Variants in TJP2 observed in about 807,000 individuals in gnomAD.
TJP2 encodes tight junction protein 2, also known as Friedreich ataxia region gene X104 (tight junction protein ZO-2).
TJP2 carries 91 observed loss-of-function variants against 133.1 expected under a neutral mutation model. That is an observed-to-expected ratio of 0.68 (90% CI 0.58 to 0.81). TJP2 has a LOEUF of 0.81. TJP2 is among the 40% of genes least tolerant of loss of function. TJP2 has a pLI of 0.00. For missense variants in TJP2, 1,541 were observed against 1,565.6 expected (o/e 0.98, Z 0.26); for synonymous variants, 592 against 583.4 (o/e 1.01, Z -0.21).
At chr9:69,239,807 C>G (rs1394282624) in intron 16 of TJP2, 130 bp from the exon 17 acceptor site, 2 of 885,392 alleles carry the variant, frequency 2.3e-6, no homozygotes, top group Non-Finnish European at 3.5e-6. Flanking sequence ...GAGCAAGAAT[C>G]TATCCCAAAT....
At chr9:69,238,338 G>T (rs541493930) in intron 15 of TJP2, among the ~76,000 whole-genome samples, 1 of 152,216 alleles carries the variant, frequency 6.6e-6, no homozygotes, top group Admixed American at 6.5e-5. Context: ...TTTCTTAATT[G>T]TCCTAGTTAT....
intron 4 of TJP2, among the ~76,000 whole-genome samples, chr9:69,219,327 G>C (rs1730923094): frequency 6.6e-6 from 1 of 152,146 alleles, no homozygotes; most frequent in African/African-American, 2.4e-5. Flanking sequence ...AAAGAAAAAG[G>C]AAAGTTGAAA....
intron 11 of TJP2, 114 bp downstream of exon 11, chr9:69,230,346 A>C (rs1185288225): frequency 5.2e-6 from 7 of 1,337,598 alleles, no homozygotes; most frequent in Non-Finnish European, 6.4e-6. Context: ...GAGCAGCTGC[A>C]AGTTTGTTGA....
At chr9:69,185,622 T>C (rs1825805769) in intron 1 of TJP2, among the ~76,000 whole-genome samples, 1 of 152,220 alleles carries the variant, frequency 6.6e-6, no homozygotes, top group Non-Finnish European at 1.5e-5. Flanking sequence ...TGGAACCTAA[T>C]GAGTGTTTTC....
At chr9:69,203,831 C>G (rs1827190448) in intron 1 of TJP2, among the ~76,000 whole-genome samples, 3 of 151,866 alleles carry the variant, frequency 2.0e-5, no homozygotes, top group Admixed American at 2.0e-4. Context: ...CCAGGCTGGT[C>G]TTGAACTTCT....
chr9:69,208,697 T>G (rs72709074), intron 1 of TJP2, among the ~76,000 whole-genome samples: 11 of 152,370 alleles, frequency 7.2e-5, no homozygotes, highest in Non-Finnish European at 1.6e-4. Flanking sequence ...GCACAGCTCC[T>G]TGGGATATTC....
At chr9:69,196,182 C>T (rs867346) in intron 1 of TJP2, among the ~76,000 whole-genome samples, 57,660 of 151,882 alleles carry the variant, frequency 0.38, 11,208 homozygotes, top group South Asian at 0.44. Flanking sequence ...TTTTGGAAGG[C>T]ACAATAGGTG....
intron 2 of TJP2, among the ~76,000 whole-genome samples, chr9:69,152,995 G>A (rs1823560700): frequency 6.6e-6 from 1 of 151,638 alleles, no homozygotes; most frequent in Non-Finnish European, 1.5e-5. Flanking sequence ...AAGTAGAGGT[G>A]GGAGGATCGC....
chr9:69,224,121 C>G (rs1829134431), intron 5 of TJP2, among the ~76,000 whole-genome samples: 1 of 152,108 alleles, frequency 6.6e-6, no homozygotes, highest in Non-Finnish European at 1.5e-5. Flanking sequence ...TTAGTAATTA[C>G]AATGTTTTTG....
intron 15 of TJP2, among the ~76,000 whole-genome samples, chr9:69,238,500 G>A (rs1240384456): frequency 6.6e-6 from 1 of 151,960 alleles, no homozygotes; most frequent in African/African-American, 2.4e-5. Flanking sequence ...ATCCAAGCTA[G>A]TTGTCTCCTA....
chr9:69,214,383 G>C (rs1056174556), intron 2 of TJP2, among the ~76,000 whole-genome samples: 3 of 152,202 alleles, frequency 2.0e-5, no homozygotes, highest in Non-Finnish European at 4.4e-5. Flanking sequence ...ACCGCACCTG[G>C]CCCAGACTTA....
At chr9:69,181,616 G>A (rs1825519166) in intron 1 of TJP2, among the ~76,000 whole-genome samples, 1 of 152,192 alleles carries the variant, frequency 6.6e-6, no homozygotes, top group South Asian at 2.1e-4. Flanking sequence ...TTGTGCTTAA[G>A]ATTCTGAAGG....
chr9:69,174,519 T>C lies in TJP2; in HGVS notation c.60+87T>C, dbSNP rs764247013. ...TGGGGGCTCTGCTCGCGTGCTGCTC[T>C]GAAGTTGTTCCCCGATGCGCCGTAG... On this transcript the variant is annotated intron_variant, in intron 1 of 22. Transcript: ENST00000377245. 690 of 1,408,454 alleles carry C rather than the reference T, an allele frequency of 4.9e-4. 1 individual carries two copies. The highest frequency in any genetic ancestry group is 4.5e-4 in the Non-Finnish European group (459 of 1,019,546). 87.2% of individuals were successfully genotyped at this position (1,408,454 alleles called of 1,614,324 possible). A position where few individuals can be genotyped will look rare whatever the true frequency, so the allele number is the denominator to read the frequency against.
chr9:69,164,594 T>TA (rs1824251206), intron 2 of TJP2, among the ~76,000 whole-genome samples: 1 of 152,236 alleles, frequency 6.6e-6, no homozygotes, highest in Admixed American at 6.5e-5. Flanking sequence ...TAATATTTCA[T>TA]AGGAAGAGTT....
intron 18 of TJP2, among the ~76,000 whole-genome samples, chr9:69,247,697 G>C (rs922008533): frequency 1.3e-4 from 20 of 152,156 alleles, no homozygotes; most frequent in African/African-American, 4.6e-4. Context: ...GGTACCAGGA[G>C]AACAGGCTGC....
intron 1 of TJP2, chr9:69,151,626 T>A (rs935854540): frequency 8.1e-6 from 10 of 1,231,986 alleles, no homozygotes; most frequent in Non-Finnish European, 7.1e-6. Context: ...GCATGTTGGA[T>A]TTTTAACAAC....
intron 2 of TJP2, among the ~76,000 whole-genome samples, chr9:69,214,231 G>C (rs2133223334): frequency 6.6e-6 from 1 of 152,110 alleles, no homozygotes; most frequent in African/African-American, 2.4e-5. Context: ...GATTACAGGG[G>C]TGTGCCACCA....
intron 1 of TJP2, among the ~76,000 whole-genome samples, chr9:69,199,188 A>G (rs1416598816): frequency 1.3e-5 from 2 of 152,148 alleles, no homozygotes; most frequent in South Asian, 2.1e-4. Flanking sequence ...TCTTTACACT[A>G]TCCCTTTCTA....
chr9:69,194,833 C>T (rs371772152), intron 1 of TJP2, among the ~76,000 whole-genome samples: 2 of 152,146 alleles, frequency 1.3e-5, no homozygotes, highest in East Asian at 1.9e-4. Flanking sequence ...TAACAGGCTC[C>T]CAGGGGTTGG....
Sources: allele counts gnomAD v4.1 joint callset (sites outside exome capture counted in the v4.1 genomes callset), GRCh38; gene constraint gnomAD v4.1.1; transcripts MANE v1.5; gene names NCBI Gene and HGNC (gene_info 2026-07-23, HGNC 2026-07-21).